The following MLIP variants were observed in gnomAD, a reference collection of about 807,000 sequenced individuals.
MLIP encodes the protein muscular LMNA interacting protein.
MLIP carries 79 observed loss-of-function variants against 84.8 expected under a neutral mutation model. The observed-to-expected ratio is 0.93, with a 90% CI of 0.78 to 1.12. The LOEUF (loss-of-function observed/expected upper bound fraction) is 1.12. Ranked by LOEUF, MLIP falls within the 50% of genes most tolerant of loss-of-function variation. The pLI is 0.00. For missense variants in MLIP, 1,257 were observed against 1,160.6 expected (o/e 1.08, Z -1.21); for synonymous variants, 504 against 463.0 (o/e 1.09, Z -1.14).
At chr6:54,125,567 G>A (rs1167462681) in intron 3 of MLIP, among the ~76,000 whole-genome samples, 1 of 152,192 alleles carries the variant, frequency 6.6e-6, no homozygotes, top group Non-Finnish European at 1.5e-5. Flanking sequence ...GAGGCATTTT[G>A]AAGTTGAAAA....
chr6:54,098,028 G>T (rs1186550668), intron 1 of MLIP, among the ~76,000 whole-genome samples: 2 of 152,052 alleles, frequency 1.3e-5, no homozygotes, highest in African/African-American at 4.8e-5. Flanking sequence ...AAATTAGCCA[G>T]TTCTAATGAG....
At chr6:54,097,130 G>A (rs1582132541) in intron 1 of MLIP, among the ~76,000 whole-genome samples, 1 of 152,286 alleles carries the variant, frequency 6.6e-6, no homozygotes, top group East Asian at 1.9e-4. Flanking sequence ...GCAAAAGAGA[G>A]AAAACCCCAA....
At chr6:54,089,424 C>T (rs191731006) in intron 1 of MLIP, among the ~76,000 whole-genome samples, 5 of 152,172 alleles carry the variant, frequency 3.3e-5, no homozygotes, top group Admixed American at 2.6e-4. Context: ...GGATTCAAAG[C>T]TGTACTTTTT....
intron 9 of MLIP, among the ~76,000 whole-genome samples, chr6:54,169,793 A>T (rs1775587483): frequency 6.6e-6 from 1 of 151,718 alleles, no homozygotes; most frequent in South Asian, 2.1e-4. Context: ...GTCTAGTTGG[A>T]TTAGTTTAGC....
At chr6:54,083,447 C>T (rs1380067255) in intron 1 of MLIP, 2 of 1,516,110 alleles carry the variant, frequency 1.3e-6, no homozygotes, top group African/African-American at 1.4e-5. Context: ...AGTGCTTTGT[C>T]ATCTTTGCAG....
chr6:54,208,597 T>G (rs1001628952), intron 11 of MLIP, among the ~76,000 whole-genome samples: 1 of 152,146 alleles, frequency 6.6e-6, no homozygotes, highest in African/African-American at 2.4e-5. Flanking sequence ...TTAAAAAAAT[T>G]TTTTTGTTTG....
chr6:54,149,144 A>G lies in MLIP; in HGVS notation c.2289+17A>G. ...GAACAGAAGGTCAGTGTTGGCTCAA[A>G]AACAGTGAATTTTACATTTTTAATG... On this transcript the variant is annotated intron_variant, in intron 5 of 13. Coordinates refer to ENST00000502396, the MANE Select transcript of MLIP (RefSeq NM_001281747.2). The G allele has an allele frequency of 6.3e-7, 1 of 1,596,768 alleles. No homozygotes were observed. The highest frequency in any genetic ancestry group is 2.2e-5 in the East Asian group (1 of 44,686).
At chr6:54,228,100 A>G (rs1314834332) in intron 11 of MLIP, among the ~76,000 whole-genome samples, 18 of 69,834 alleles carry the variant, frequency 2.6e-4, no homozygotes, top group Admixed American at 4.8e-4. Flanking sequence ...GGAGAATGGC[A>G]TGAACCCCGG....
At chr6:54,133,493 A>G (rs1771554980) in intron 3 of MLIP, among the ~76,000 whole-genome samples, 1 of 152,180 alleles carries the variant, frequency 6.6e-6, no homozygotes, top group South Asian at 2.1e-4. Flanking sequence ...GCACAACTAT[A>G]TACGATCCAC....
chr6:54,139,538 A>G (rs1039205982), intron 4 of MLIP, among the ~76,000 whole-genome samples: 1 of 152,198 alleles, frequency 6.6e-6, no homozygotes, highest in Non-Finnish European at 1.5e-5. Flanking sequence ...TCTGACGGTA[A>G]TAATAGCAGC....
At chr6:54,046,159 C>T (rs143901181) in intron 1 of MLIP, 1 of 152,142 alleles carries the variant, frequency 6.6e-6, no homozygotes, top group African/African-American at 2.4e-5. Context: ...ACATGTATCT[C>T]TTTTCCCCCA....
intron 1 of MLIP, among the ~76,000 whole-genome samples, chr6:54,072,366 T>C (rs1766539681): frequency 6.6e-6 from 1 of 152,194 alleles, no homozygotes; most frequent in African/African-American, 2.4e-5. Context: ...CCTCACTTGA[T>C]GGTTTGCAAT....
chr6:54,152,631 A>T (rs961841990), intron 5 of MLIP, among the ~76,000 whole-genome samples: 2 of 152,130 alleles, frequency 1.3e-5, no homozygotes, highest in Non-Finnish European at 2.9e-5. Context: ...ATTCTGGGAG[A>T]TACAATTCAA....
At chr6:54,027,429 A>G (rs1386111561) in intron 1 of MLIP, among the ~76,000 whole-genome samples, 1 of 150,754 alleles carries the variant, frequency 6.6e-6, no homozygotes, top group South Asian at 2.1e-4. Context: ...ACATATATAC[A>G]TAAAATCTGT....
chr6:54,162,700 AG>A (rs1271422839), intron 8 of MLIP, among the ~76,000 whole-genome samples: 1 of 151,978 alleles, frequency 6.6e-6, no homozygotes, highest in South Asian at 2.1e-4. Context: ...ACAACAGTGA[AG>A]GAAGAGCTGT....
At chr6:54,261,611 A>C (rs921766029) in intron 13 of MLIP, 7 of 985,064 alleles carry the variant, frequency 7.1e-6, no homozygotes, top group Non-Finnish European at 8.4e-6. Flanking sequence ...AAGCTTTCTG[A>C]GTTTATTTTA....
intron 1 of MLIP, among the ~76,000 whole-genome samples, chr6:54,044,102 CTT>C (rs1313549980): frequency 1.3e-5 from 2 of 152,220 alleles, no homozygotes; most frequent in Non-Finnish European, 2.9e-5. Context: ...AAAAAGAACA[CTT>C]ATCATTTTGT....
chr6:54,186,886 C>T (rs1405269706), intron 9 of MLIP, among the ~76,000 whole-genome samples: 6 of 152,270 alleles, frequency 3.9e-5, no homozygotes, highest in African/African-American at 1.4e-4. Flanking sequence ...ATGTGTGCAT[C>T]AGACCCTAGG....
chr6:54,034,756 A>G (rs1764333665), intron 1 of MLIP, among the ~76,000 whole-genome samples: 1 of 152,144 alleles, frequency 6.6e-6, no homozygotes, highest in Non-Finnish European at 1.5e-5. Context: ...ATTTTTATGT[A>G]TTTAGTGTAG....
Sources: allele counts gnomAD v4.1 joint callset (sites outside exome capture counted in the v4.1 genomes callset), GRCh38; gene constraint gnomAD v4.1.1; transcripts MANE v1.5; gene names NCBI Gene and HGNC (gene_info 2026-07-23, HGNC 2026-07-21).